C10orf143: variants seen among roughly 807,000 people sequenced by gnomAD.
C10orf143 encodes uncharacterized protein C10orf143.
chr10:130,102,204 TG>T (rs1383012554), intron 1 of C10orf143, among the ~76,000 whole-genome samples: 1 of 152,212 alleles, frequency 6.6e-6, no homozygotes, highest in Non-Finnish European at 1.5e-5. Flanking sequence ...TAATTAGTCT[TG>T]GGAAATTTGT....
intron 4 of C10orf143, chr10:130,035,709 G>A (rs779162904): frequency 6.6e-6 from 1 of 152,294 alleles, no homozygotes; most frequent in Non-Finnish European, 1.5e-5. Flanking sequence ...GCTGGGAAGT[G>A]AGTAGACCAC....
intron 3 of C10orf143, among the ~76,000 whole-genome samples, chr10:130,078,604 T>G (rs1450491044): frequency 6.6e-6 from 1 of 152,240 alleles, no homozygotes; most frequent in Admixed American, 6.5e-5. Context: ...AGTTACATAC[T>G]AAACTTTGTT....
intron 3 of C10orf143, among the ~76,000 whole-genome samples, chr10:130,070,862 G>A (rs1198941103): frequency 6.6e-6 from 1 of 152,058 alleles, no homozygotes; most frequent in Non-Finnish European, 1.5e-5. Context: ...TTCTATTGAT[G>A]AACATTTAGG....
chr10:130,041,719 C>T (rs908299915), intron 3 of C10orf143, among the ~76,000 whole-genome samples: 1 of 152,178 alleles, frequency 6.6e-6, no homozygotes, highest in Non-Finnish European at 1.5e-5. Flanking sequence ...TGAGTTCCAT[C>T]TGTGCTGATG....
chr10:130,072,559 A>G (rs770784420), intron 3 of C10orf143, among the ~76,000 whole-genome samples: 5 of 152,252 alleles, frequency 3.3e-5, no homozygotes, highest in Admixed American at 2.6e-4. Flanking sequence ...CAATGAACAT[A>G]TCATGCACTT....
intron 1 of C10orf143, chr10:130,104,062 G>GTGGT (rs1459499222): frequency 1.3e-5 from 2 of 152,260 alleles, no homozygotes; most frequent in South Asian, 4.1e-4. Context: ...TGGCCAGGGT[G>GTGGT]TGGTAAGCAG....
chr10:130,081,305 T>C (rs1861204393), intron 1 of C10orf143, among the ~76,000 whole-genome samples: 1 of 151,886 alleles, frequency 6.6e-6, no homozygotes, highest in African/African-American at 2.4e-5. Flanking sequence ...AGCCGAATAA[T>C]ACAACCATAA....
chr10:130,043,702 T>C (rs1451788963), intron 3 of C10orf143, among the ~76,000 whole-genome samples: 1 of 152,204 alleles, frequency 6.6e-6, no homozygotes, highest in Non-Finnish European at 1.5e-5. Context: ...CCAGATGTTC[T>C]CCCCGAGGGG....
chr10:130,037,418 C>T (rs1011119425), intron 3 of C10orf143, among the ~76,000 whole-genome samples: 10 of 152,228 alleles, frequency 6.6e-5, no homozygotes, highest in African/African-American at 2.2e-4. Context: ...CTCCCAAGCC[C>T]ATCGTTCACA....
chr10:130,083,075 C>G (rs1861234145), intron 1 of C10orf143, among the ~76,000 whole-genome samples: 1 of 151,818 alleles, frequency 6.6e-6, no homozygotes, highest in Non-Finnish European at 1.5e-5. Context: ...GAAACTGTTA[C>G]AAAAGCTGAG....
At chr10:130,045,531 C>T (rs1860657617) in intron 3 of C10orf143, among the ~76,000 whole-genome samples, 1 of 152,256 alleles carries the variant, frequency 6.6e-6, no homozygotes, top group South Asian at 2.1e-4. Flanking sequence ...CCCGCGAGCG[C>T]CACGCCCCAA....
chr10:130,087,264 C>T (rs1171976493), intron 1 of C10orf143, among the ~76,000 whole-genome samples: 2 of 152,178 alleles, frequency 1.3e-5, no homozygotes, highest in African/African-American at 2.4e-5. Flanking sequence ...GGGCTGCTTA[C>T]GTTGAACGAG....
chr10:130,071,632 A>T (rs1861034629), intron 3 of C10orf143, among the ~76,000 whole-genome samples: 1 of 145,992 alleles, frequency 6.8e-6, no homozygotes. Flanking sequence ...GTTATATTCT[A>T]TATTTTTTTT....
At chr10:130,095,348 G>A (rs538164906) in intron 1 of C10orf143, among the ~76,000 whole-genome samples, 5 of 152,228 alleles carry the variant, frequency 3.3e-5, no homozygotes, top group African/African-American at 9.6e-5. Flanking sequence ...AATCAATATC[G>A]GGAAAATGGC....
intron 3 of C10orf143, among the ~76,000 whole-genome samples, chr10:130,058,698 G>T (rs1028769901): frequency 2.6e-5 from 4 of 151,800 alleles, no homozygotes; most frequent in Non-Finnish European, 5.9e-5. Flanking sequence ...AACGAAACAG[G>T]AAAGTGTTTA....
At chr10:130,106,402 G>C (rs1414470554) in intron 1 of C10orf143, 1 of 1,602,832 alleles carries the variant, frequency 6.2e-7, no homozygotes, top group South Asian at 1.1e-5. Flanking sequence ...GCTTTGAGAA[G>C]GCGGCAGCAG....
intron 1 of C10orf143, chr10:130,108,123 C>G: frequency 6.4e-7 from 1 of 1,556,050 alleles, no homozygotes; most frequent in Non-Finnish European, 8.9e-7. Context: ...GTTCCTCCAC[C>G]TCTTGCCCTA....
Position 130,108,912 on chromosome 10 carries a change from G to A in C10orf143, c.69+1792C>T, listed in dbSNP as rs1028393823. Among the ~76,000 whole-genome samples, 7 of 152,258 alleles carry A rather than the reference G, an allele frequency of 4.6e-5. No individual in the cohort carries two copies. The South Asian group carries it at 8.3e-4, about 18-fold the overall frequency. On this transcript the variant is annotated intron_variant, in intron 1 of 3. Coordinates refer to ENST00000637128, the MANE Select transcript of C10orf143 (RefSeq NM_001355042.2). ...CGTCTCCACTAAACGTCTCAAAGTC[G>A]CAGAAAACACAGCATGGCCTAACAG...
intron 1 of C10orf143, chr10:130,104,772 T>A (rs994720799): frequency 6.6e-6 from 1 of 152,186 alleles, no homozygotes; most frequent in Non-Finnish European, 1.5e-5. Context: ...TCCAACCTGA[T>A]AGATCATTCA....
Sources: allele counts gnomAD v4.1 joint callset (sites outside exome capture counted in the v4.1 genomes callset), GRCh38; gene constraint gnomAD v4.1.1; transcripts MANE v1.5; gene names NCBI Gene and HGNC (gene_info 2026-07-23, HGNC 2026-07-21).